The following ADAM29 variants were observed in gnomAD, a reference collection of about 807,000 sequenced individuals.
The protein encoded by ADAM29 is ADAM metallopeptidase domain 29, also known as disintegrin and metalloproteinase domain-containing protein 29.
For missense variants in ADAM29, 969 were observed against 1,001.8 expected, an observed-to-expected ratio of 0.97 and a Z score of 0.44; for synonymous variants, 367 against 342.3, an observed-to-expected ratio of 1.07 and a Z score of -0.80.
At position 174,939,097 on chromosome 4, in the gene ADAM29, T is replaced by TA. The variant is rs149779924; in HGVS notation, c.-181+2085dup. ...CTCATATCAAGGTCCTTAACTTACT[T>TA]ATCTGCAAAGAGTCTTTCTGCAAAG... On this transcript the variant is annotated intron_variant, in intron 4 of 4. Coordinates refer to ENST00000359240, the MANE Select transcript of ADAM29 (RefSeq NM_014269.4). Among the ~76,000 whole-genome samples the TA allele has an allele frequency of 8.5e-3, 1,288 of 152,238 alleles. 14 individuals carry two copies. Among genetic ancestry groups the TA allele is most frequent in the African/African-American group, 0.028 (1,166 of 41,540 alleles).
intron 4 of ADAM29, among the ~76,000 whole-genome samples, chr4:174,960,292 A>G (rs1051975036): frequency 6.6e-6 from 1 of 152,028 alleles, no homozygotes; most frequent in African/African-American, 2.4e-5. Context: ...TTAGTATGAA[A>G]TATTTACTAA....
At chr4:174,941,603 G>A (rs1419920213) in intron 4 of ADAM29, among the ~76,000 whole-genome samples, 1 of 151,974 alleles carries the variant, frequency 6.6e-6, no homozygotes, top group Non-Finnish European at 1.5e-5. Context: ...CACTGTCATG[G>A]GAACAGCATG....
intron 4 of ADAM29, among the ~76,000 whole-genome samples, chr4:174,972,923 T>C (rs1190840347): frequency 6.6e-6 from 1 of 151,978 alleles, no homozygotes; most frequent in Non-Finnish European, 1.5e-5. Flanking sequence ...GTCTACCAGC[T>C]CAAGCCCCAT....
chr4:174,964,720 G>A (rs1196716494), intron 4 of ADAM29, among the ~76,000 whole-genome samples: 1 of 152,040 alleles, frequency 6.6e-6, no homozygotes, highest in Non-Finnish European at 1.5e-5. Context: ...GCAGTGGCCG[G>A]ATAAATTAAG....
intron 4 of ADAM29, among the ~76,000 whole-genome samples, chr4:174,942,187 A>G (rs1374737862): frequency 6.6e-6 from 1 of 152,152 alleles, no homozygotes; most frequent in Non-Finnish European, 1.5e-5. Context: ...TGAGTGCTGC[A>G]GCTTTTCCAA....
At chr4:174,968,769 G>GCC (rs888285810) in intron 4 of ADAM29, among the ~76,000 whole-genome samples, 1 of 93,386 alleles carries the variant, frequency 1.1e-5, no homozygotes, top group Non-Finnish European at 2.2e-5. Flanking sequence ...GCCACTTTCC[G>GCC]CCCACACACA....
rs111240604 is a variant in ADAM29, at chr4:174,977,850, T to C, written c.2325T>C (p.Ser775=). ...PSQSQPRVMP[S]QSQPPVMPSQ... ...AGAGTCAACCTCGGGTGATGCCTTC[T>C]CAGAGTCAACCTCCTGTGATGCCTT... Residue 775 remains serine (S), a synonymous_variant, in exon 5 of 5, where the codon TCT becomes TCC. Transcript: ENST00000359240. 1.5e-3 allele frequency: 2,005 copies of C among 1,311,828 alleles called. 9 individuals carry two copies. The highest frequency in any genetic ancestry group is 2.2e-3 in the Middle Eastern group (11 of 4,922). The allele number at this position is 1,311,828 out of a possible 1,614,324, so 81.3% of individuals were successfully genotyped here.
At chr4:174,966,207 G>C (rs912043022) in intron 4 of ADAM29, among the ~76,000 whole-genome samples, 1 of 152,134 alleles carries the variant, frequency 6.6e-6, no homozygotes, top group African/African-American at 2.4e-5. Context: ...CAGTACAGAT[G>C]CAATTTTTTT....
intron 4 of ADAM29, among the ~76,000 whole-genome samples, chr4:174,973,124 G>A (rs1009502134): frequency 6.6e-6 from 1 of 152,170 alleles, no homozygotes; most frequent in African/African-American, 2.4e-5. Flanking sequence ...AAGAAGTTGG[G>A]TTATGGGGGG....
rs1484570824 is a variant in ADAM29, at chr4:174,977,771, A to C, written c.2246A>C (p.Gln749Pro). The change falls in exon 5 of 5, where the codon CAG becomes CCG. Residue 749 changes from glutamine to proline, a missense_variant. By Grantham distance (76) the Gln-to-Pro change is moderately conservative. Transcript: ENST00000359240. ...SQSQPPVTPSQSHPQVMPSQS... is the reference protein window; with the variant it reads ...SQSQPPVTPSPSHPQVMPSQS... ...AGTCAACCTCCTGTGACGCCTTCCCAGAGTCATCCTCAGGTGATGCCTTCC... is the reference window on the plus strand; with the variant it reads ...AGTCAACCTCCTGTGACGCCTTCCCCGAGTCATCCTCAGGTGATGCCTTCC... 2 of 1,602,940 alleles carry C rather than the reference A, an allele frequency of 1.2e-6. No individual in the cohort carries two copies. Among genetic ancestry groups the C allele is most frequent in the Non-Finnish European group, 1.7e-6 (2 of 1,171,010 alleles).
At chr4:174,965,259 C>T (rs1312277003) in intron 4 of ADAM29, among the ~76,000 whole-genome samples, 5 of 150,196 alleles carry the variant, frequency 3.3e-5, no homozygotes, top group African/African-American at 7.4e-5. Flanking sequence ...AGAGAGAAAC[C>T]AAGGAAGCCA....
At chr4:174,949,237 G>A (rs559779334) in intron 4 of ADAM29, among the ~76,000 whole-genome samples, 5 of 152,196 alleles carry the variant, frequency 3.3e-5, no homozygotes, top group South Asian at 4.1e-4. Flanking sequence ...CTCTGTCCAG[G>A]TCCTACAGTC....
intron 4 of ADAM29, among the ~76,000 whole-genome samples, chr4:174,973,900 C>T (rs1746605652): frequency 6.6e-6 from 1 of 152,204 alleles, no homozygotes; most frequent in African/African-American, 2.4e-5. Flanking sequence ...ATGGATAATA[C>T]TTCTGTGGCT....
intron 2 of ADAM29, among the ~76,000 whole-genome samples, chr4:174,928,470 C>T (rs1195850108): frequency 6.8e-6 from 1 of 147,518 alleles, no homozygotes; most frequent in Non-Finnish European, 1.5e-5. Context: ...GCGGATGTCA[C>T]AAACGACTGC....
intron 4 of ADAM29, among the ~76,000 whole-genome samples, chr4:174,948,152 G>C (rs1406888862): frequency 6.6e-6 from 1 of 152,092 alleles, no homozygotes; most frequent in Non-Finnish European, 1.5e-5. Flanking sequence ...TCTGAATTCT[G>C]TATCTGTCAT....
At chr4:174,968,843 T>C (rs1560890219) in intron 4 of ADAM29, among the ~76,000 whole-genome samples, 1 of 152,060 alleles carries the variant, frequency 6.6e-6, no homozygotes, top group Non-Finnish European at 1.5e-5. Flanking sequence ...GTCTTATATC[T>C]GTAAGTCAAT....
intron 2 of ADAM29, among the ~76,000 whole-genome samples, chr4:174,926,759 T>C (rs902902159): frequency 2.1e-4 from 31 of 147,256 alleles, no homozygotes; most frequent in African/African-American, 7.6e-4. Flanking sequence ...CAACAAAACA[T>C]AACACTGTTT....
At chr4:174,966,525 G>A (rs570628155) in intron 4 of ADAM29, among the ~76,000 whole-genome samples, 1 of 152,232 alleles carries the variant, frequency 6.6e-6, no homozygotes, top group African/African-American at 2.4e-5. Flanking sequence ...TATTCCAAAG[G>A]TAAAAATCTG....
chr4:174,974,042 C>T (rs1372314166), intron 4 of ADAM29, among the ~76,000 whole-genome samples: 1 of 152,120 alleles, frequency 6.6e-6, no homozygotes, highest in African/African-American at 2.4e-5. Context: ...GGTTAGTCAT[C>T]CAGTGCTGTG....
Sources: allele counts gnomAD v4.1 joint callset (sites outside exome capture counted in the v4.1 genomes callset), GRCh38; gene constraint gnomAD v4.1.1; transcripts MANE v1.5; gene names NCBI Gene and HGNC (gene_info 2026-07-23, HGNC 2026-07-21).